Variants in TBC1D30 observed in about 807,000 individuals in gnomAD.
TBC1D30 encodes TBC1 domain family, member 30.
TBC1D30 carries 31 observed loss-of-function variants against 63.2 expected under a neutral mutation model. That is an observed-to-expected ratio of 0.49 (90% confidence interval 0.37 to 0.66). The LOEUF (loss-of-function observed/expected upper bound fraction) is 0.66. Ranked by LOEUF, TBC1D30 falls within the 30% of genes least tolerant of loss-of-function variation. The pLI is 0.00. For synonymous variants in TBC1D30, 307 were observed against 361.5 expected, an observed-to-expected ratio of 0.85 and a Z score of 1.71; for missense variants, 810 against 953.6, an observed-to-expected ratio of 0.85 and a Z score of 1.98.
At chr12:64,791,410 C>A (rs188940345) in intron 2 of TBC1D30, among the ~76,000 whole-genome samples, 451 of 152,106 alleles carry the variant, frequency 3.0e-3, no homozygotes, top group African/African-American at 0.01. Context: ...ATGTAATATA[C>A]CCATGGAAGC....
intron 1 of TBC1D30, among the ~76,000 whole-genome samples, chr12:64,773,959 G>C (rs1008840899): frequency 3.3e-5 from 5 of 152,182 alleles, no homozygotes; most frequent in African/African-American, 1.2e-4. Context: ...TGAAATGACA[G>C]AAGTAGAATT....
chr12:64,853,574 C>G (rs1244626018), intron 8 of TBC1D30, among the ~76,000 whole-genome samples: 1 of 152,178 alleles, frequency 6.6e-6, no homozygotes, highest in Non-Finnish European at 1.5e-5. Context: ...AATGTCTGCC[C>G]AAATGGCTGC....
intron 2 of TBC1D30, among the ~76,000 whole-genome samples, chr12:64,793,489 C>CG (rs1302014466): frequency 8.7e-6 from 1 of 115,490 alleles, no homozygotes; most frequent in Admixed American, 8.9e-5. Context: ...ACCAAAAATA[C>CG]AAAAAAAAAA....
At chr12:64,808,562 G>T (rs112491722) in intron 2 of TBC1D30, among the ~76,000 whole-genome samples, 16 of 151,812 alleles carry the variant, frequency 1.1e-4, no homozygotes, top group African/African-American at 3.9e-4. Context: ...CTTTTCTAAG[G>T]GTATCTCTTA....
chr12:64,841,642 T>C (rs2136398429), intron 7 of TBC1D30, among the ~76,000 whole-genome samples: 1 of 152,330 alleles, frequency 6.6e-6, no homozygotes, highest in South Asian at 2.1e-4. Flanking sequence ...ACTACCCCAG[T>C]GCTGGTCTCG....
At chr12:64,792,977 C>T (rs1374047112) in intron 2 of TBC1D30, among the ~76,000 whole-genome samples, 1 of 152,090 alleles carries the variant, frequency 6.6e-6, no homozygotes, top group Non-Finnish European at 1.5e-5. Flanking sequence ...TCCATGCCCA[C>T]AGAAGTATTG....
At chr12:64,848,814 G>A (rs1012947099) in intron 8 of TBC1D30, among the ~76,000 whole-genome samples, 3 of 152,114 alleles carry the variant, frequency 2.0e-5, no homozygotes, top group Non-Finnish European at 4.4e-5. Context: ...TGGGTCAAAC[G>A]GTATTTCTGG....
At chr12:64,784,244 C>G (rs1220250298) in intron 1 of TBC1D30, among the ~76,000 whole-genome samples, 1 of 151,930 alleles carries the variant, frequency 6.6e-6, no homozygotes. Flanking sequence ...ATCCTGTATG[C>G]TAGGCATAAT....
chr12:64,798,750 C>T (rs1872423654), intron 2 of TBC1D30, among the ~76,000 whole-genome samples: 1 of 149,838 alleles, frequency 6.7e-6, no homozygotes, highest in African/African-American at 2.5e-5. Context: ...GGGACCACTT[C>T]TTCAGGGTAC....
At chr12:64,825,336 G>A (rs558788684) in intron 1 of TBC1D30, 6 of 364,888 alleles carry the variant, frequency 1.6e-5, no homozygotes, top group Non-Finnish European at 3.0e-5. Flanking sequence ...GGGGAAGTGC[G>A]GGTGGCTGCC....
upstream of TBC1D30, among the ~76,000 whole-genome samples, chr12:64,823,177 A>G (rs966706127): frequency 1.3e-5 from 2 of 152,200 alleles, no homozygotes. Flanking sequence ...ATTTGATGTT[A>G]GCATACTTAT....
intron 11 of TBC1D30, among the ~76,000 whole-genome samples, chr12:64,872,985 A>T (rs1350053075): frequency 6.6e-6 from 1 of 152,170 alleles, no homozygotes. Context: ...TGGGAGCTAC[A>T]AGATGAGATT....
chr12:64,867,530 C>T (rs1464393559), intron 10 of TBC1D30, among the ~76,000 whole-genome samples: 1 of 151,304 alleles, frequency 6.6e-6, no homozygotes, highest in Non-Finnish European at 1.5e-5. Context: ...TAATGGTTTT[C>T]CTCTGTATTA....
intron 10 of TBC1D30, among the ~76,000 whole-genome samples, chr12:64,867,373 T>C (rs1350001960): frequency 6.6e-6 from 1 of 151,350 alleles, no homozygotes; most frequent in African/African-American, 2.4e-5. Context: ...GGCAGGAGAA[T>C]CGCTTGAACC....
chr12:64,858,889 G>A (rs1877540040), intron 8 of TBC1D30, among the ~76,000 whole-genome samples: 1 of 152,126 alleles, frequency 6.6e-6, no homozygotes, highest in Non-Finnish European at 1.5e-5. Context: ...TGGGGGCTGA[G>A]GAAGAGAGAA....
intron 9 of TBC1D30, 67 bp downstream of exon 9, chr12:64,864,847 A>G: frequency 9.0e-7 from 1 of 1,112,604 alleles, no homozygotes; most frequent in Non-Finnish European, 1.3e-6. Flanking sequence ...GTTATTGTAA[A>G]TTAATATTTA....
intron 10 of TBC1D30, chr12:64,868,799 G>A (rs1878428589): frequency 6.1e-6 from 1 of 164,546 alleles, no homozygotes; most frequent in African/African-American, 2.4e-5. Context: ...TTTGAGGACA[G>A]CTATCATGTC....
chr12:64,809,840 C>T (rs1219887014), intron 2 of TBC1D30, among the ~76,000 whole-genome samples: 1 of 152,136 alleles, frequency 6.6e-6, no homozygotes, highest in African/African-American at 2.4e-5. Context: ...AGCATCCTTC[C>T]CCCAGATGGT....
intron 2 of TBC1D30, among the ~76,000 whole-genome samples, chr12:64,789,370 GAC>G (rs984558986): frequency 4.0e-4 from 61 of 151,870 alleles, no homozygotes; most frequent in African/African-American, 1.3e-3. Flanking sequence ...TTTTTGTAGA[GAC>G]ACAGTTTCAC....
Sources: allele counts gnomAD v4.1 joint callset (sites outside exome capture counted in the v4.1 genomes callset), GRCh38; gene constraint gnomAD v4.1.1; transcripts MANE v1.5; gene names NCBI Gene and HGNC (gene_info 2026-07-23, HGNC 2026-07-21).